The following RNFT1 variants were observed in gnomAD, a reference collection of about 807,000 sequenced individuals.
RNFT1 encodes E3 ubiquitin-protein ligase RNFT1.
A neutral mutation model predicts 53.2 loss-of-function variants in RNFT1; 35 were observed. The ratio of observed to expected loss-of-function variants is 0.66; its 90% CI spans 0.50 to 0.87. The LOEUF (loss-of-function observed/expected upper bound fraction) is 0.87. Ranked by LOEUF, RNFT1 falls within the 40% of genes least tolerant of loss-of-function variation. The pLI is 0.00. For synonymous variants in RNFT1, 141 were observed against 172.8 expected (o/e 0.82, Z 1.44); for missense variants, 421 against 515.0 (o/e 0.82, Z 1.77).
At chr17:59,956,767 A>G (rs1373450581) in intron 6 of RNFT1, among the ~76,000 whole-genome samples, 1 of 152,220 alleles carries the variant, frequency 6.6e-6, no homozygotes, top group Non-Finnish European at 1.5e-5. Context: ...TAGAGTAACA[A>G]TTTGATCAAG....
At chr17:59,958,194 GA>G in intron 5 of RNFT1, 96 bp downstream of exon 5, 3 of 1,304,006 alleles carry the variant, frequency 2.3e-6, no homozygotes, top group Non-Finnish European at 3.1e-6. Context: ...TTAGCAAACT[GA>G]AAAACTGCAA....
intron 7 of RNFT1, among the ~76,000 whole-genome samples, chr17:59,954,580 T>C (rs1195879055): frequency 1.3e-5 from 2 of 152,180 alleles, no homozygotes; most frequent in Non-Finnish European, 2.9e-5. Context: ...TGTGGAAAGC[T>C]TGCTTTAAAA....
At chr17:59,957,172 CAGT>C in intron 6 of RNFT1, 49 bp downstream of exon 6, 1 of 1,533,224 alleles carries the variant, frequency 6.5e-7, no homozygotes, top group Non-Finnish European at 8.9e-7. Context: ...TAGTATGTAT[CAGT>C]AATCATTAAT....
At chr17:59,964,574 GCCT>G (rs933789665) in intron 1 of RNFT1, 31 bp downstream of exon 1, 55 of 1,564,886 alleles carry the variant, frequency 3.5e-5, no homozygotes, top group Non-Finnish European at 4.6e-5. Flanking sequence ...GCCCCTCGCC[GCCT>G]CCTCCTCTGC....
At position 59,964,674 on chromosome 17, in the gene RNFT1, C is replaced by G. The variant is rs1287659108; in HGVS notation, c.-11G>C. ...CAAGAACAGCGGCATACACCGCCTC[C>G]AGCCCTTCAGTCGGGGCCATCAACC... On this transcript the variant is annotated 5_prime_UTR_variant, in exon 1 of 9. Coordinates refer to ENST00000305783, the MANE Select transcript of RNFT1 (RefSeq NM_016125.4). The G allele has an allele frequency of 1.2e-6, 2 of 1,601,520 alleles. No individual in the cohort carries two copies. The highest frequency in any genetic ancestry group is 1.7e-6 in the Non-Finnish European group (2 of 1,174,204).
In RNFT1 at chr17:59,957,405, A is replaced by T. The variant is rs1347335888; in HGVS notation, c.847-23T>A. On this transcript the variant is annotated intron_variant, in intron 5 of 8. Coordinates refer to ENST00000305783, the MANE Select transcript of RNFT1 (RefSeq NM_016125.4). The stretch of plus-strand genomic sequence containing the variant: ...ACCCTAAAAAATAAGAAGAAAACAA[A>T]TAGAGCTACCCAAACTACTTAACTA... 1.9e-6 allele frequency: 3 copies of T among 1,594,410 alleles called. No homozygotes were observed. The South Asian group carries it at 3.4e-5, about 18-fold the overall frequency.
At chr17:59,961,179 G>A (rs1377348289) in intron 3 of RNFT1, among the ~76,000 whole-genome samples, 2 of 152,024 alleles carry the variant, frequency 1.3e-5, no homozygotes, top group East Asian at 3.9e-4. Context: ...AGAGATTACA[G>A]GCACGTGCCA....
chr17:59,962,773 G>A (rs1356308371), intron 2 of RNFT1, 54 bp downstream of exon 2: 4 of 1,506,978 alleles, frequency 2.7e-6, no homozygotes, highest in African/African-American at 1.4e-5. Flanking sequence ...AATAATGAAA[G>A]AAAATTAACT....
At chr17:59,954,467 G>A (rs1197249004) in intron 7 of RNFT1, among the ~76,000 whole-genome samples, 2 of 152,144 alleles carry the variant, frequency 1.3e-5, no homozygotes, top group African/African-American at 4.8e-5. Context: ...AAAATCTATA[G>A]CCATGTATTA....
chr17:59,962,948 T>C lies in RNFT1; in HGVS notation c.393A>G (p.Ala131=), dbSNP rs1456216478. 1.2e-6 allele frequency: 2 copies of C among 1,614,130 alleles called. No homozygotes were observed. The highest frequency in any genetic ancestry group is 1.7e-6 in the Non-Finnish European group (2 of 1,180,052). Residue 131 remains alanine (A), a synonymous_variant, in exon 2 of 9, where the codon GCA becomes GCG. Coordinates refer to ENST00000305783, the MANE Select transcript of RNFT1 (RefSeq NM_016125.4). ...SEARLTDDTA[A]ESGDHGSSSF... ...AGCTACTACCATGATCTCCAGATTC[T>C]GCGGCAGTATCATCAGTCAGCCTTG...
At chr17:59,962,647 A>G (rs1341604348) in intron 2 of RNFT1, 31 bp from the exon 3 acceptor site, 2 of 1,514,422 alleles carry the variant, frequency 1.3e-6, no homozygotes, top group South Asian at 2.4e-5. Context: ...GTTAATTGAA[A>G]GAAAAAAAAA....
chr17:59,959,028 G>C (rs1249672235), intron 4 of RNFT1, among the ~76,000 whole-genome samples: 1 of 152,140 alleles, frequency 6.6e-6, no homozygotes, highest in East Asian at 1.9e-4. Flanking sequence ...GTTTTGTCCA[G>C]TCCTGTGGTT....
rs2045293486 is a variant in RNFT1 at position 59,961,710 on chromosome 17, G to A, written c.591+830C>T. Among the ~76,000 whole-genome samples, 3 of 151,762 alleles carry A rather than the reference G, an allele frequency of 2.0e-5. No homozygotes were observed. In the South Asian group the frequency reaches 6.3e-4, roughly 32 times the overall value. ...TCCTGCCTCAGCCTCCCAAGTAGCT[G>A]GGACTACAGGCAAGCGCCACCACGC... On this transcript the variant is annotated intron_variant, in intron 3 of 8. Coordinates refer to ENST00000305783, the MANE Select transcript of RNFT1 (RefSeq NM_016125.4).
Position 59,956,546 on chromosome 17 carries a change from T to A in RNFT1, c.1013A>T (p.Glu338Val). 1 of 1,612,396 alleles carries A rather than the reference T, an allele frequency of 6.2e-7. No individual in the cohort carries two copies. Among genetic ancestry groups the A allele is most frequent in the Non-Finnish European group, 8.5e-7 (1 of 1,178,974 alleles). ...GAAAGTTCTCAGATGCCCAAAAAAT[T>A]CCAAAAGCTGAAAAGAGAAATAAGA... is the stretch of plus-strand genomic sequence containing the variant. ...ALLYLILKLL[E>V]FFGHLRTFRQ... Residue 338 changes from glutamate to valine, a missense_variant, in exon 7 of 9, where the codon GAA (glutamate) becomes GTA (valine). Transcript: ENST00000305783.
At chr17:59,958,773 C>G in intron 4 of RNFT1, 1 of 414,236 alleles carries the variant, frequency 2.4e-6, no homozygotes, top group Middle Eastern at 3.6e-4. Flanking sequence ...ATCAGGATTC[C>G]ATCTCTTCCT....
At chr17:59,958,211 G>T (rs546884408) in intron 5 of RNFT1, 80 bp downstream of exon 5, 1 of 1,374,132 alleles carries the variant, frequency 7.3e-7, no homozygotes, top group South Asian at 1.4e-5. Context: ...TGCAAAAGGA[G>T]GATTCATTTA....
rs1333055856 is a variant in RNFT1 at position 59,958,275 on chromosome 17, TA to T, written c.846+15del. 5 of 1,581,092 alleles carry T rather than the reference TA, an allele frequency of 3.2e-6. No homozygotes were observed. The South Asian group carries it at 6.0e-5, about 19-fold the overall frequency. ...TCGATAACATCACTCCAATAAAGCA[TA>T]AGTGAGTTTCTTACCTTAGATTTAA... On this transcript the variant is annotated intron_variant, in intron 5 of 8. Coordinates refer to ENST00000305783, the MANE Select transcript of RNFT1 (RefSeq NM_016125.4).
At chr17:59,955,704 T>G (rs2045250390) in intron 7 of RNFT1, among the ~76,000 whole-genome samples, 1 of 152,200 alleles carries the variant, frequency 6.6e-6, no homozygotes, top group South Asian at 2.1e-4. Flanking sequence ...GTTAGTCTCG[T>G]TTACTTTGTA....
At chr17:59,957,987 T>TA (rs1755245741) in intron 5 of RNFT1, among the ~76,000 whole-genome samples, 1 of 152,220 alleles carries the variant, frequency 6.6e-6, no homozygotes, top group Non-Finnish European at 1.5e-5. Flanking sequence ...TAATTGTACA[T>TA]AGTCAACTGT....
Sources: gnomAD v4.1 joint callset for allele counts (sites outside exome capture counted in the v4.1 genomes callset) on GRCh38, gnomAD v4.1.1 for gene constraint, MANE v1.5 for transcripts, NCBI Gene and HGNC (gene_info 2026-07-23, HGNC 2026-07-21) for gene names.